Variants in ATP10A observed in about 807,000 individuals in gnomAD.
The protein encoded by ATP10A is ATPase phospholipid transporting 10A (putative).
ATP10A carries 111 observed loss-of-function variants against 147.8 expected under a neutral mutation model. That is an observed-to-expected ratio of 0.75 (90% confidence interval 0.64 to 0.88). ATP10A has a LOEUF of 0.88. Among genes scored for constraint, ATP10A ranks in the 40% least tolerant of loss-of-function variants. ATP10A has a pLI of 0.00. For missense variants in ATP10A, 1,927 were observed against 1,959.0 expected, an observed-to-expected ratio of 0.98 and a Z score of 0.31; for synonymous variants, 875 against 841.6, an observed-to-expected ratio of 1.04 and a Z score of -0.69.
At chr15:25,767,242 G>A (rs7182404) in intron 2 of ATP10A, among the ~76,000 whole-genome samples, 90 of 152,320 alleles carry the variant, frequency 5.9e-4, no homozygotes, top group African/African-American at 2.1e-3. Flanking sequence ...CAGAACGTAG[G>A]GCTTCCTGCA....
At chr15:25,802,622 T>A (rs1890992729) in intron 1 of ATP10A, among the ~76,000 whole-genome samples, 1 of 152,130 alleles carries the variant, frequency 6.6e-6, no homozygotes, top group Non-Finnish European at 1.5e-5. Flanking sequence ...CTTCCCTGCC[T>A]CTCCTGGTTT....
intron 1 of ATP10A, among the ~76,000 whole-genome samples, chr15:25,856,106 A>G (rs11161241): frequency 0.15 from 22,668 of 152,256 alleles, 3,234 homozygotes; most frequent in African/African-American, 0.36. Flanking sequence ...TAAGAATTTT[A>G]GAAAGCTAAC....
chr15:25,848,533 G>A (rs941539894), intron 1 of ATP10A, among the ~76,000 whole-genome samples: 3 of 152,150 alleles, frequency 2.0e-5, no homozygotes, highest in East Asian at 1.9e-4. Context: ...TCGGCAGGGC[G>A]GCGGGAGAGA....
At chr15:25,766,856 A>G (rs1889048787) in intron 2 of ATP10A, among the ~76,000 whole-genome samples, 1 of 146,804 alleles carries the variant, frequency 6.8e-6, no homozygotes, top group Non-Finnish European at 1.5e-5. Context: ...CCCGAAAAAT[A>G]CTCTAATCGG....
chr15:25,831,966 C>G (rs371912683), intron 1 of ATP10A, among the ~76,000 whole-genome samples: 1 of 152,140 alleles, frequency 6.6e-6, no homozygotes, highest in Non-Finnish European at 1.5e-5. Context: ...TTTGGAAATA[C>G]GATCCTTGCA....
intron 1 of ATP10A, among the ~76,000 whole-genome samples, chr15:25,821,392 A>C (rs1891876310): frequency 9.1e-6 from 1 of 109,766 alleles, no homozygotes; most frequent in Admixed American, 8.1e-5. Context: ...CCCTGTCTCA[A>C]AAAAAACAAA....
chr15:25,834,345 A>T (rs752514856), intron 1 of ATP10A, among the ~76,000 whole-genome samples: 1 of 152,256 alleles, frequency 6.6e-6, no homozygotes, highest in Non-Finnish European at 1.5e-5. Flanking sequence ...GAAAGATTTG[A>T]CTAGACAATT....
chr15:25,819,371 C>T (rs537290400), intron 1 of ATP10A, among the ~76,000 whole-genome samples: 5 of 152,148 alleles, frequency 3.3e-5, no homozygotes, highest in Non-Finnish European at 5.9e-5. Flanking sequence ...AACCCCAATG[C>T]GATACCTCCT....
chr15:25,836,233 G>A (rs1225592213), intron 1 of ATP10A, among the ~76,000 whole-genome samples: 2 of 152,158 alleles, frequency 1.3e-5, no homozygotes, highest in African/African-American at 4.8e-5. Context: ...ACAGGTGTGG[G>A]CCCCCAGCCT....
chr15:25,845,099 G>A (rs1892959338), intron 1 of ATP10A, among the ~76,000 whole-genome samples: 1 of 152,188 alleles, frequency 6.6e-6, no homozygotes, highest in Admixed American at 6.5e-5. Context: ...CACTCACCAA[G>A]CAAGACCTCG....
In ATP10A at chr15:25,679,246, G is replaced by T; in HGVS notation, c.*95C>A. 1.0e-6 allele frequency: 1 copy of T among 997,358 alleles called. No individual in the cohort carries two copies. Among genetic ancestry groups the T allele is most frequent in the Non-Finnish European group, 1.3e-6 (1 of 776,502 alleles). 61.8% of individuals were successfully genotyped at this position (997,358 alleles called of 1,614,324 possible). A position where few individuals can be genotyped will look rare whatever the true frequency, so the allele number is the denominator to read the frequency against. ...CCTGTATTAGCCTGGGAAACATTTA[G>T]AAATACATCTCCCTAGAACTCTTCT... On this transcript the variant is annotated 3_prime_UTR_variant, in exon 21 of 21. Transcript: ENST00000555815.
Position 25,707,985 on chromosome 15 carries a change from G to A in ATP10A, c.2566C>T (p.His856Tyr), listed in dbSNP as rs1176413728. 3 of 1,614,038 alleles carry A rather than the reference G, an allele frequency of 1.9e-6. No individual in the cohort carries two copies. Among genetic ancestry groups the A allele is most frequent in the Non-Finnish European group, 1.7e-6 (2 of 1,180,018 alleles). ...QSAIRLETNL[H>Y]LLGATGIEDR... Reference sequence around the variant, plus strand: ...CTCTCAAGTTAATTACCTAACAAGTGCAGGTTGGTCTCCAGGCGAATGGCA... The same window carrying A: ...CTCTCAAGTTAATTACCTAACAAGTACAGGTTGGTCTCCAGGCGAATGGCA... Residue 856 changes from histidine (H) to tyrosine (Y), a missense_variant, in exon 12 of 21, where the codon CAC becomes TAC. Transcript: ENST00000555815.
chr15:25,811,775 C>A (rs930740636), intron 1 of ATP10A, among the ~76,000 whole-genome samples: 1 of 152,178 alleles, frequency 6.6e-6, no homozygotes, highest in Non-Finnish European at 1.5e-5. Context: ...AGGTTTGACC[C>A]AGCCTGACCT....
intron 3 of ATP10A, among the ~76,000 whole-genome samples, chr15:25,728,521 G>C (rs1311992175): frequency 6.6e-6 from 1 of 152,144 alleles, no homozygotes; most frequent in Non-Finnish European, 1.5e-5. Flanking sequence ...GCAGGTATGA[G>C]ATATCCTTAG....
chr15:25,716,870 T>C lies in ATP10A; in HGVS notation c.1636A>G (p.Lys546Glu). The change falls in exon 9 of 21, where the codon AAG becomes GAG. Residue 546 changes from lysine to glutamate, a missense_variant. Transcript: ENST00000555815. ...TGATGCCTCGCCACGGCTAGGCTCT[T>C]GTCACACTCACTCACCTTCTCCAGC... ...KLLEKVSECD[K>E]SLAVARHQEH... 1 of 1,607,098 alleles carries C rather than the reference T, an allele frequency of 6.2e-7. No individual in the cohort carries two copies. Among genetic ancestry groups the C allele is most frequent in the Non-Finnish European group, 8.5e-7 (1 of 1,176,870 alleles).
intron 2 of ATP10A, among the ~76,000 whole-genome samples, chr15:25,745,441 G>A (rs1045721496): frequency 2.0e-5 from 3 of 152,062 alleles, no homozygotes; most frequent in South Asian, 2.1e-4. Flanking sequence ...AGAGAAGGAG[G>A]CCAAGCACAG....
chr15:25,731,818 C>T (rs1162920312), intron 3 of ATP10A, among the ~76,000 whole-genome samples: 1 of 152,210 alleles, frequency 6.6e-6, no homozygotes, highest in African/African-American at 2.4e-5. Context: ...ATATATTTCA[C>T]ATACTATAAT....
At chr15:25,803,522 G>A (rs145314021) in intron 1 of ATP10A, among the ~76,000 whole-genome samples, 30 of 152,342 alleles carry the variant, frequency 2.0e-4, no homozygotes, top group Admixed American at 5.9e-4. Context: ...AAGTTGCTCT[G>A]TCTGTGTGAA....
In ATP10A at chr15:25,855,579, T is replaced by G. The variant is rs559642585; in HGVS notation, c.449+7069A>C. 4.4e-3 allele frequency among the ~76,000 whole-genome samples: 388 copies of G among 88,384 alleles called. 1 individual carries two copies. The highest frequency in any genetic ancestry group is 6.2e-3 in the Non-Finnish European group (249 of 40,076). 58.0% of individuals were successfully genotyped at this position (88,384 alleles called of 152,430 possible). A position where few individuals can be genotyped will look rare whatever the true frequency, so the allele number is the denominator to read the frequency against. On this transcript the variant is annotated intron_variant, in intron 1 of 20. Transcript: ENST00000555815. ...ACACACACACACACACACACATACA[T>G]GCAAACAGCTAGCATCATACTTAAT...
Sources: gnomAD v4.1 joint callset for allele counts (sites outside exome capture counted in the v4.1 genomes callset) on GRCh38, gnomAD v4.1.1 for gene constraint, MANE v1.5 for transcripts, NCBI Gene and HGNC (gene_info 2026-07-23, HGNC 2026-07-21) for gene names.